SMYD3: variants seen among roughly 807,000 people sequenced by gnomAD.
The protein encoded by SMYD3 is SET and MYND domain containing 3, also known as histone-lysine N-methyltransferase SMYD3.
SMYD3 carries 36 observed loss-of-function variants against 57.7 expected under a neutral mutation model. That is an observed-to-expected ratio of 0.62 (90% CI 0.48 to 0.82). The LOEUF (loss-of-function observed/expected upper bound fraction) is 0.82. SMYD3 is among the 40% of genes least tolerant of loss of function. The pLI is 0.00. For synonymous variants in SMYD3, 211 were observed against 195.0 expected (o/e 1.08, Z -0.68); for missense variants, 515 against 538.8 (o/e 0.96, Z 0.44).
chr1:245,894,320 T>C (rs11582855), intron 8 of SMYD3, among the ~76,000 whole-genome samples: 60,540 of 101,326 alleles, frequency 0.6, 14,106 homozygotes, highest in East Asian at 0.81. Flanking sequence ...AAAATGAACC[T>C]ATCAGCACTC....
intron 1 of SMYD3, among the ~76,000 whole-genome samples, chr1:246,363,866 T>C (rs1010676613): frequency 6.6e-6 from 1 of 151,862 alleles, no homozygotes; most frequent in Non-Finnish European, 1.5e-5. Context: ...TCCACTATTG[T>C]CCTATGACCC....
intron 5 of SMYD3, among the ~76,000 whole-genome samples, chr1:246,131,816 A>T (rs2061592490): frequency 6.6e-6 from 1 of 152,222 alleles, no homozygotes; most frequent in African/African-American, 2.4e-5. Context: ...GACCAATTAA[A>T]GACAGAACAT....
At chr1:246,066,730 C>A (rs1239843579) in intron 5 of SMYD3, among the ~76,000 whole-genome samples, 1 of 152,200 alleles carries the variant, frequency 6.6e-6, no homozygotes, top group Non-Finnish European at 1.5e-5. Flanking sequence ...TTAACCTACT[C>A]ACAGGTATTT....
At chr1:246,093,593 T>C (rs1048577224) in intron 5 of SMYD3, among the ~76,000 whole-genome samples, 1 of 152,162 alleles carries the variant, frequency 6.6e-6, no homozygotes, top group African/African-American at 2.4e-5. Context: ...GAGGGGTGGT[T>C]ATCAGCGGCT....
At chr1:246,015,726 A>T (rs570297632) in intron 5 of SMYD3, among the ~76,000 whole-genome samples, 2 of 152,290 alleles carry the variant, frequency 1.3e-5, no homozygotes, top group South Asian at 2.1e-4. Context: ...TTCACTTAGC[A>T]TGTCTTCAAG....
At chr1:245,978,977 T>C (rs10754491) in intron 5 of SMYD3, among the ~76,000 whole-genome samples, 67,533 of 152,032 alleles carry the variant, frequency 0.44, 16,869 homozygotes, top group East Asian at 0.86. Context: ...TTGGCAGGTA[T>C]GCATTGCTAA....
At chr1:246,190,813 C>G (rs2062725338) in intron 5 of SMYD3, among the ~76,000 whole-genome samples, 1 of 152,022 alleles carries the variant, frequency 6.6e-6, no homozygotes, top group Non-Finnish European at 1.5e-5. Flanking sequence ...CTCCCGACTT[C>G]TATTTTGGAT....
chr1:245,806,040 A>C (rs575696706), intron 10 of SMYD3, among the ~76,000 whole-genome samples: 5 of 152,346 alleles, frequency 3.3e-5, no homozygotes, highest in Non-Finnish European at 5.9e-5. Flanking sequence ...ATCTATTACA[A>C]GTTGAGTGCC....
intron 5 of SMYD3, among the ~76,000 whole-genome samples, chr1:246,217,245 G>T (rs2063178920): frequency 6.6e-6 from 1 of 152,026 alleles, no homozygotes; most frequent in African/African-American, 2.4e-5. Flanking sequence ...ATTCACTCAG[G>T]GTGAATACAC....
chr1:246,401,727 CTT>C (rs11320119), intron 1 of SMYD3, among the ~76,000 whole-genome samples: 299 of 132,148 alleles, frequency 2.3e-3, no homozygotes, highest in South Asian at 0.013. Context: ...AATTCAGGTG[CTT>C]TTTTTTTTTT....
intron 5 of SMYD3, among the ~76,000 whole-genome samples, chr1:246,012,275 A>T (rs986283186): frequency 1.1e-4 from 17 of 152,148 alleles, no homozygotes; most frequent in Admixed American, 1.0e-3. Flanking sequence ...TCAATAAATT[A>T]TTTTCCTCTT....
intron 10 of SMYD3, among the ~76,000 whole-genome samples, chr1:245,806,754 C>CA (rs1446250786): frequency 6.7e-6 from 1 of 149,954 alleles, no homozygotes; most frequent in Non-Finnish European, 1.5e-5. Context: ...ACTAAAAATA[C>CA]AAAAAATTAG....
At chr1:246,339,792 G>C (rs2065603109) in intron 2 of SMYD3, among the ~76,000 whole-genome samples, 1 of 152,214 alleles carries the variant, frequency 6.6e-6, no homozygotes, top group African/African-American at 2.4e-5. Flanking sequence ...TGCAACAGTG[G>C]GTTTGCTATA....
At chr1:246,245,541 T>G (rs1052605755) in intron 5 of SMYD3, among the ~76,000 whole-genome samples, 1 of 152,120 alleles carries the variant, frequency 6.6e-6, no homozygotes, top group African/African-American at 2.4e-5. Flanking sequence ...ATCTCACACT[T>G]AGGAAAATCT....
Position 245,837,903 on chromosome 1 carries a change from T to C in SMYD3, c.1076+20593A>G, listed in dbSNP as rs537217365. 1.5e-4 allele frequency among the ~76,000 whole-genome samples: 23 copies of C among 152,324 alleles called. No individual in the cohort carries two copies. The South Asian group carries it at 4.6e-3, about 30-fold the overall frequency. On this transcript the variant is annotated intron_variant, in intron 10 of 11. Coordinates refer to ENST00000490107, the MANE Select transcript of SMYD3 (RefSeq NM_001167740.2). ...AAAAGCATGGAGGGTAAAGTTAATT[T>C]TCAAAGAAGAAAGGAAGTCAACGGC...
chr1:245,997,039 G>C (rs1295879085), intron 5 of SMYD3, among the ~76,000 whole-genome samples: 1 of 152,224 alleles, frequency 6.6e-6, no homozygotes, highest in East Asian at 1.9e-4. Flanking sequence ...CGCATATGCT[G>C]CGTTTTTCCG....
chr1:246,010,361 A>C (rs960084403), intron 5 of SMYD3, among the ~76,000 whole-genome samples: 3 of 152,140 alleles, frequency 2.0e-5, no homozygotes, highest in African/African-American at 7.2e-5. Flanking sequence ...ACCAGAGATG[A>C]AGCTTCTCCA....
chr1:246,497,409 G>A (rs1463127813), intron 1 of SMYD3, among the ~76,000 whole-genome samples: 1 of 152,192 alleles, frequency 6.6e-6, no homozygotes, highest in African/African-American at 2.4e-5. Context: ...GGTTCATGAA[G>A]GAGACCACTC....
Position 246,267,043 on chromosome 1 carries a change from C to T in SMYD3, c.531+60158G>A, listed in dbSNP as rs371499527. On this transcript the variant is annotated intron_variant, in intron 5 of 11. Transcript: ENST00000490107. ...TTTTATAAGCCTGGCAAATATCTTGCCCCAAAGTTACAGAATATGTATCTA... is the reference window on the plus strand; with the variant it reads ...TTTTATAAGCCTGGCAAATATCTTGTCCCAAAGTTACAGAATATGTATCTA... Among the ~76,000 whole-genome samples, 145 of 152,124 alleles carry T rather than the reference C, an allele frequency of 9.5e-4. 1 individual carries two copies. The highest frequency in any genetic ancestry group is 3.5e-3 in the African/African-American group (144 of 41,484).
Sources: gnomAD v4.1 joint callset for allele counts (sites outside exome capture counted in the v4.1 genomes callset) on GRCh38, gnomAD v4.1.1 for gene constraint, MANE v1.5 for transcripts, NCBI Gene and HGNC (gene_info 2026-07-23, HGNC 2026-07-21) for gene names.